The following PRR5L variants were observed in gnomAD, a reference collection of about 807,000 sequenced individuals.
PRR5L encodes the protein proline rich 5 like, also known as proline-rich protein 5-like.
A neutral mutation model predicts 36.4 loss-of-function variants in PRR5L; 21 were observed. That is an observed-to-expected ratio of 0.58 (90% CI 0.41 to 0.83). PRR5L has a LOEUF of 0.83. Among genes scored for constraint, PRR5L ranks in the 40% least tolerant of loss-of-function variants. The pLI is 0.00. For synonymous variants in PRR5L, 188 were observed against 197.0 expected (o/e 0.95, Z 0.38); for missense variants, 381 against 473.3 (o/e 0.80, Z 1.81).
chr11:36,334,118 A>C (rs1298354386), intron 1 of PRR5L, among the ~76,000 whole-genome samples: 1 of 152,106 alleles, frequency 6.6e-6, no homozygotes, highest in African/African-American at 2.4e-5. Flanking sequence ...CCACTTGGCA[A>C]TTCTTCTCAC....
In PRR5L at chr11:36,376,084, C is replaced by T. The variant is rs146274537; in HGVS notation, c.-125-24913C>T. 8.5e-4 allele frequency: 994 copies of T among 1,168,774 alleles called. 5 individuals are homozygous for T. In the African/African-American group the frequency reaches 0.013, roughly 16 times the overall value. The allele number at this position is 1,168,774 out of a possible 1,614,324, so 72.4% of individuals were successfully genotyped here. On this transcript the variant is annotated intron_variant, in intron 1 of 8. Coordinates refer to ENST00000530639, the MANE Select transcript of PRR5L (RefSeq NM_001160167.2). The stretch of plus-strand genomic sequence containing the variant: ...AAACGCAAGCACGGAGCTCCCTTGA[C>T]CTGCTGCATCCTCCTCGGCAATTTT...
At chr11:36,335,742 T>C (rs113890809) in intron 1 of PRR5L, among the ~76,000 whole-genome samples, 89 of 152,294 alleles carry the variant, frequency 5.8e-4, no homozygotes, top group African/African-American at 2.0e-3. Context: ...TTAATATAGA[T>C]TCAAAAAACC....
In PRR5L at chr11:36,463,025, C is replaced by G. The variant is rs986439721; in HGVS notation, c.*289C>G. 1 of 337,084 alleles carries G rather than the reference C, an allele frequency of 3.0e-6. No homozygotes were observed. The highest frequency in any genetic ancestry group is 5.4e-6 in the Non-Finnish European group (1 of 185,602). The allele number at this position is 337,084 out of a possible 1,614,324, so 20.9% of individuals were successfully genotyped here. A position where few individuals can be genotyped will look rare whatever the true frequency, so the allele number is the denominator to read the frequency against. ...CTCAGATCCTCATCTCTGGGCCTTT[C>G]TCCCTCCGATGTTGGACTGCCTGAT... On this transcript the variant is annotated 3_prime_UTR_variant, in exon 9 of 9. Transcript: ENST00000530639.
intron 3 of PRR5L, among the ~76,000 whole-genome samples, chr11:36,415,390 A>C (rs1428203576): frequency 6.6e-6 from 1 of 152,238 alleles, no homozygotes; most frequent in East Asian, 1.9e-4. Flanking sequence ...CCAAGGCTTT[A>C]CATGTAGACA....
intron 1 of PRR5L, among the ~76,000 whole-genome samples, chr11:36,375,582 A>G (rs1857246271): frequency 6.6e-6 from 1 of 152,224 alleles, no homozygotes; most frequent in African/African-American, 2.4e-5. Context: ...GCGATCGGGC[A>G]GCATTTTTAA....
rs202042642 is a variant in PRR5L at position 36,348,679 on chromosome 11, A to T, written c.-126+52241A>T. Among the ~76,000 whole-genome samples the T allele has an allele frequency of 1.2e-3, 190 of 152,290 alleles. 1 individual carries two copies. Among genetic ancestry groups the T allele is most frequent in the East Asian group, 8.1e-3 (42 of 5,176 alleles). On this transcript the variant is annotated intron_variant, in intron 1 of 8. Transcript: ENST00000530639. ...CATATTTTCATATTAATAGCTATTT[A>T]AAAAAATTATTTTAGAATGAATAAT... is the stretch of plus-strand genomic sequence containing the variant.
At chr11:36,427,154 A>C (rs1429066911) in intron 4 of PRR5L, among the ~76,000 whole-genome samples, 1 of 151,964 alleles carries the variant, frequency 6.6e-6, no homozygotes, top group African/African-American at 2.4e-5. Context: ...GCTAAGCCTC[A>C]TTTTTCTGTT....
At chr11:36,440,079 G>A (rs548916353) in intron 6 of PRR5L, among the ~76,000 whole-genome samples, 1 of 152,274 alleles carries the variant, frequency 6.6e-6, no homozygotes, top group African/African-American at 2.4e-5. Context: ...AGAAAGCAAT[G>A]ATTAACTTGT....
intron 1 of PRR5L, among the ~76,000 whole-genome samples, chr11:36,328,949 C>T (rs1450831268): frequency 6.6e-6 from 1 of 152,164 alleles, no homozygotes; most frequent in African/African-American, 2.4e-5. Context: ...GGAAAGGTTA[C>T]ACGTTTGTAA....
At chr11:36,374,109 T>TTCCTTCCTTCCTTCCTGC in intron 1 of PRR5L, among the ~76,000 whole-genome samples, 1 of 74,242 alleles carries the variant, frequency 1.3e-5, no homozygotes, top group Non-Finnish European at 3.2e-5. Context: ...TTCCTTCCTC[T>TTCCTTCCTTCCTTCCTGC]CTCTCTCTCT....
At chr11:36,449,885 C>T (rs1484332123) in intron 7 of PRR5L, among the ~76,000 whole-genome samples, 1 of 152,200 alleles carries the variant, frequency 6.6e-6, no homozygotes, top group East Asian at 1.9e-4. Flanking sequence ...CCATTTTCTT[C>T]CCACCTTTTG....
chr11:36,319,847 A>G (rs181454444), intron 1 of PRR5L, among the ~76,000 whole-genome samples: 1 of 152,292 alleles, frequency 6.6e-6, no homozygotes, highest in Non-Finnish European at 1.5e-5. Context: ...GCATAGACAA[A>G]TTACAAATTC....
chr11:36,338,235 T>TCTTAA (rs1409975225), intron 1 of PRR5L, among the ~76,000 whole-genome samples: 1 of 152,242 alleles, frequency 6.6e-6, no homozygotes, highest in Non-Finnish European at 1.5e-5. Context: ...CTTTTCAGGT[T>TCTTAA]TCCTTTACTT....
chr11:36,425,923 A>C lies in PRR5L; in HGVS notation c.295-5930A>C, dbSNP rs528529939. 7.2e-5 allele frequency: 11 copies of C among 152,366 alleles called. No homozygotes were observed. In the East Asian group the frequency reaches 2.1e-3, roughly 29 times the overall value. 9.4% of individuals were successfully genotyped at this position (152,366 alleles called of 1,614,324 possible). On this transcript the variant is annotated intron_variant, in intron 4 of 8. Transcript: ENST00000530639. Reference sequence around the variant, plus strand: ...TCACCAGAAGCAAATGTCTGGAGTGAAACTGGTTAACACAGGTTCTGGGAA... The same window carrying C: ...TCACCAGAAGCAAATGTCTGGAGTGCAACTGGTTAACACAGGTTCTGGGAA...
intron 1 of PRR5L, among the ~76,000 whole-genome samples, chr11:36,325,011 G>C (rs893917770): frequency 1.2e-4 from 19 of 152,144 alleles, no homozygotes; most frequent in Non-Finnish European, 2.2e-4. Flanking sequence ...GAGCTCCCAA[G>C]ATGATGGTGG....
At position 36,400,983 on chromosome 11, in the gene PRR5L, C is replaced by T. The variant is rs554257119; in HGVS notation, c.-125-14C>T. On this transcript the variant is annotated splice_polypyrimidine_tract_variant and intron_variant, in intron 1 of 8. Transcript: ENST00000530639. ...GGCCAGGAGTTCTCAATAAAAGCTT[C>T]CCTCTCTTTTCAGGTGTTGGCTACG... 2.4e-4 allele frequency: 351 copies of T among 1,436,534 alleles called. No individual in the cohort carries two copies. The African/African-American group carries it at 4.7e-3, about 19-fold the overall frequency. 89.0% of individuals were successfully genotyped at this position (1,436,534 alleles called of 1,614,324 possible). A position where few individuals can be genotyped will look rare whatever the true frequency, so the allele number is the denominator to read the frequency against.
chr11:36,442,052 T>G (rs1858733053), intron 6 of PRR5L, among the ~76,000 whole-genome samples: 1 of 152,172 alleles, frequency 6.6e-6, no homozygotes. Context: ...CAGAGGTTTC[T>G]GAAATGACTT....
At chr11:36,425,022 A>G (rs999349958) in intron 4 of PRR5L, among the ~76,000 whole-genome samples, 3 of 152,140 alleles carry the variant, frequency 2.0e-5, no homozygotes, top group African/African-American at 7.2e-5. Context: ...GAGTTTCACC[A>G]TATTGGTCAG....
At chr11:36,403,228 C>A in intron 2 of PRR5L, 70 bp from the exon 3 acceptor site, 2 of 1,357,214 alleles carry the variant, frequency 1.5e-6, no homozygotes, top group South Asian at 1.2e-5. Flanking sequence ...ACACCTTCAG[C>A]CCTGAGCTGC....
Sources: gnomAD v4.1 joint callset for allele counts (sites outside exome capture counted in the v4.1 genomes callset) on GRCh38, gnomAD v4.1.1 for gene constraint, MANE v1.5 for transcripts, NCBI Gene and HGNC (gene_info 2026-07-23, HGNC 2026-07-21) for gene names.